The following MIS18A variants were observed in gnomAD, a reference collection of about 807,000 sequenced individuals.
MIS18A encodes MIS18 kinetochore protein A.
A neutral mutation model predicts 25.0 loss-of-function variants in MIS18A; 14 were observed. The ratio of observed to expected loss-of-function variants is 0.56; its 90% confidence interval spans 0.37 to 0.88. The LOEUF (loss-of-function observed/expected upper bound fraction) is 0.88. MIS18A is among the 40% of genes least tolerant of loss of function. The probability of loss-of-function intolerance (pLI) is 0.00; values close to 1 mark genes in which losing one functional copy is unlikely to be tolerated. For missense variants in MIS18A, 292 were observed against 290.8 expected, an observed-to-expected ratio of 1.00 and a Z score of -0.03; for synonymous variants, 134 against 118.6, an observed-to-expected ratio of 1.13 and a Z score of -0.84.
the MIS18A span, among the ~76,000 whole-genome samples, chr21:32,226,280 T>A: frequency 1.5e-4 from 20 of 131,458 alleles, no homozygotes; most frequent in Middle Eastern, 4.2e-3. Flanking sequence ...TAAAGTATAA[T>A]AAAAAAAAAA....
downstream of MIS18A, among the ~76,000 whole-genome samples, chr21:32,265,268 G>A (rs960733445): frequency 1.3e-5 from 2 of 152,188 alleles, no homozygotes; most frequent in Non-Finnish European, 2.9e-5. Context: ...TGCACTGTGG[G>A]AGCCCCTTTC....
intron 1 of MIS18A, among the ~76,000 whole-genome samples, chr21:32,275,768 T>A (rs2031796879): frequency 6.6e-6 from 1 of 152,116 alleles, no homozygotes; most frequent in African/African-American, 2.4e-5. Context: ...TCCTTGATTC[T>A]TTGTCTCCTC....
chr21:32,197,727 A>C, the MIS18A span: 1 of 152,280 alleles, frequency 6.6e-6, no homozygotes, highest in South Asian at 2.1e-4. Context: ...AGCATGTTTC[A>C]AAGACCCATT....
the MIS18A span, among the ~76,000 whole-genome samples, chr21:32,213,846 G>A: frequency 6.6e-6 from 1 of 152,126 alleles, no homozygotes; most frequent in Non-Finnish European, 1.5e-5. Context: ...CTGCTTCTGT[G>A]CTCACATCTC....
chr21:32,201,197 A>G, the MIS18A span, among the ~76,000 whole-genome samples: 1 of 152,056 alleles, frequency 6.6e-6, no homozygotes, highest in African/African-American at 2.4e-5. Flanking sequence ...ACATGAACTC[A>G]TTGCTGCTGG....
At chr21:32,156,751 G>T in the MIS18A span, among the ~76,000 whole-genome samples, 1 of 152,154 alleles carries the variant, frequency 6.6e-6, no homozygotes. Context: ...ATCTATGAGG[G>T]ATATCAGATT....
At chr21:32,253,357 T>A in the MIS18A span, among the ~76,000 whole-genome samples, 1 of 152,158 alleles carries the variant, frequency 6.6e-6, no homozygotes, top group Admixed American at 6.5e-5. Flanking sequence ...TCATTTGGCC[T>A]GCAAGCTTTC....
chr21:32,195,423 A>C, the MIS18A span, among the ~76,000 whole-genome samples: 193 of 152,282 alleles, frequency 1.3e-3, no homozygotes, highest in African/African-American at 4.5e-3. Context: ...AGGCCTTTAA[A>C]TTCCAGTGGC....
chr21:32,159,049 ATTTC>A, the MIS18A span, among the ~76,000 whole-genome samples: 1 of 152,008 alleles, frequency 6.6e-6, no homozygotes, highest in Non-Finnish European at 1.5e-5. Context: ...TTATTTCCTG[ATTTC>A]TTTACCTTGT....
the MIS18A span, among the ~76,000 whole-genome samples, chr21:32,189,306 TCTCA>T: frequency 6.6e-6 from 1 of 152,136 alleles, no homozygotes; most frequent in Non-Finnish European, 1.5e-5. Flanking sequence ...TGAAACAGAG[TCTCA>T]CTCTGTCACT....
At chr21:32,170,900 A>G in the MIS18A span, among the ~76,000 whole-genome samples, 1 of 152,222 alleles carries the variant, frequency 6.6e-6, no homozygotes, top group African/African-American at 2.4e-5. Context: ...GATCATCTCA[A>G]TAGATACAGA....
the MIS18A span, among the ~76,000 whole-genome samples, chr21:32,204,785 G>A: frequency 1.3e-5 from 2 of 151,728 alleles, no homozygotes; most frequent in South Asian, 2.1e-4. Context: ...AACTCGGGAG[G>A]TTGAGGCAGG....
At chr21:32,245,723 T>C in the MIS18A span, among the ~76,000 whole-genome samples, 3 of 152,200 alleles carry the variant, frequency 2.0e-5, no homozygotes, top group Non-Finnish European at 4.4e-5. Context: ...GGTGAGTTGT[T>C]CTGGGGTAAG....
chr21:32,245,022 G>A, the MIS18A span, among the ~76,000 whole-genome samples: 1 of 152,202 alleles, frequency 6.6e-6, no homozygotes, highest in Non-Finnish European at 1.5e-5. Context: ...AATAAATGGA[G>A]TTGAAATCTG....
chr21:32,210,832 T>C, the MIS18A span, among the ~76,000 whole-genome samples: 1 of 152,170 alleles, frequency 6.6e-6, no homozygotes, highest in Non-Finnish European at 1.5e-5. Flanking sequence ...TTTTATCACA[T>C]CACCATTCTT....
the MIS18A span, among the ~76,000 whole-genome samples, chr21:32,246,096 G>T: frequency 2.6e-5 from 4 of 152,106 alleles, no homozygotes; most frequent in Non-Finnish European, 5.9e-5. Flanking sequence ...CTCACAAACG[G>T]ACTCGCTCTG....
rs2031652838 is a variant in MIS18A at position 32,268,785 on chromosome 21, A to G, written c.*252T>C. 6.4e-6 allele frequency: 2 copies of G among 313,818 alleles called. No individual in the cohort carries two copies. The highest frequency in any genetic ancestry group is 1.0e-4 in the Admixed American group (2 of 19,636). 19.4% of individuals were successfully genotyped at this position (313,818 alleles called of 1,614,324 possible). On this transcript the variant is annotated 3_prime_UTR_variant, in exon 5 of 5. Coordinates refer to ENST00000290130, the MANE Select transcript of MIS18A (RefSeq NM_018944.3). Reference sequence around the variant, plus strand: ...AAAATATAGCTATAGAAGTAATTCTACAATTTTGGGTTTTTTTTTTGAGAG... The same window carrying G: ...AAAATATAGCTATAGAAGTAATTCTGCAATTTTGGGTTTTTTTTTTGAGAG...
the MIS18A span, among the ~76,000 whole-genome samples, chr21:32,253,884 G>T: frequency 6.6e-6 from 1 of 152,074 alleles, no homozygotes; most frequent in Non-Finnish European, 1.5e-5. Flanking sequence ...AATAGTTTTA[G>T]TTGATTTAAT....
the MIS18A span, among the ~76,000 whole-genome samples, chr21:32,215,494 C>T: frequency 6.6e-6 from 1 of 152,098 alleles, no homozygotes; most frequent in Non-Finnish European, 1.5e-5. Context: ...GAGGTAAGTG[C>T]TTATCTCCAT....
Sources: allele counts gnomAD v4.1 joint callset (sites outside exome capture counted in the v4.1 genomes callset), GRCh38; gene constraint gnomAD v4.1.1; transcripts MANE v1.5; gene names NCBI Gene and HGNC (gene_info 2026-07-23, HGNC 2026-07-21).